Variants in AP2A2 observed in about 807,000 individuals in gnomAD.
AP2A2 encodes adaptor related protein complex 2 subunit alpha 2.
In AP2A2, 32 loss-of-function variants were observed where a neutral mutation model predicts 104.2. The observed-to-expected ratio is 0.31, with a 90% CI of 0.23 to 0.41. The LOEUF is 0.41. Among genes scored for constraint, AP2A2 ranks in the 10% least tolerant of loss-of-function variants. The pLI, the probability that AP2A2 is intolerant of heterozygous loss-of-function variation, is 1.00. For missense variants in AP2A2, 912 were observed against 1,261.0 expected (o/e 0.72, Z 4.19); for synonymous variants, 539 against 533.3 (o/e 1.01, Z -0.15).
rs568685801 is a variant in AP2A2 at position 1,008,030 on chromosome 11, A to G, written c.2315A>G (p.Lys772Arg). 10 of 1,562,156 alleles carry G rather than the reference A, an allele frequency of 6.4e-6. No homozygotes were observed. The South Asian group carries it at 1.2e-4, about 18-fold the overall frequency. ...DLQPNLNLQTKPVDPTVEGGA... is the reference protein window; with the variant it reads ...DLQPNLNLQTRPVDPTVEGGA... ...CACGCACACCTGAACCTGCAGACCA[A>G]GCCCGTGGACCCGACCGTGGAGGGG... The change falls in exon 18 of 22, where the codon AAG becomes AGG. Residue 772 changes from lysine to arginine, a missense_variant. Coordinates refer to ENST00000448903, the MANE Select transcript of AP2A2 (RefSeq NM_012305.4).
At chr11:966,599 G>C (rs1240164951) in intron 2 of AP2A2, among the ~76,000 whole-genome samples, 1 of 152,230 alleles carries the variant, frequency 6.6e-6, no homozygotes, top group Non-Finnish European at 1.5e-5. Context: ...GGCAAAGACT[G>C]AGCAACTGCC....
At chr11:976,548 G>A (rs1174598212) in intron 4 of AP2A2, among the ~76,000 whole-genome samples, 1 of 152,128 alleles carries the variant, frequency 6.6e-6, no homozygotes, top group Non-Finnish European at 1.5e-5. Flanking sequence ...ACACGTCTGT[G>A]CCCTGGACAA....
At chr11:962,037 C>T (rs1161983033) in intron 2 of AP2A2, among the ~76,000 whole-genome samples, 1 of 152,242 alleles carries the variant, frequency 6.6e-6, no homozygotes, top group Non-Finnish European at 1.5e-5. Context: ...CTGACAGTCG[C>T]CGCCACCTGC....
intron 1 of AP2A2, among the ~76,000 whole-genome samples, chr11:954,780 A>G (rs1854182052): frequency 2.0e-5 from 3 of 151,996 alleles, no homozygotes; most frequent in Admixed American, 1.3e-4. Context: ...ATTAAAAGCA[A>G]GCTGTGGATG....
chr11:1,001,607 G>A (rs7396041), intron 15 of AP2A2, among the ~76,000 whole-genome samples: 73,690 of 151,966 alleles, frequency 0.48, 18,813 homozygotes, highest in Admixed American at 0.63. Flanking sequence ...GGTGGTGGGT[G>A]CAGGTCGCCG....
At chr11:929,111 C>A (rs7479473) in intron 1 of AP2A2, among the ~76,000 whole-genome samples, 1 of 151,984 alleles carries the variant, frequency 6.6e-6, no homozygotes, top group Non-Finnish European at 1.5e-5. Context: ...AATGTATATA[C>A]GTATTGAGTT....
At position 1,011,552 on chromosome 11, in the gene AP2A2, G is replaced by A. The variant is rs749771894; in HGVS notation, c.*927G>A. The A allele has an allele frequency of 9.2e-5, 43 of 467,222 alleles. No individual in the cohort carries two copies. Among genetic ancestry groups the A allele is most frequent in the South Asian group, 5.5e-4 (36 of 65,066 alleles). The allele number at this position is 467,222 out of a possible 1,614,324, so 28.9% of individuals were successfully genotyped here. A position where few individuals can be genotyped will look rare whatever the true frequency, so the allele number is the denominator to read the frequency against. On this transcript the variant is annotated 3_prime_UTR_variant, in exon 22 of 22. Coordinates refer to ENST00000448903, the MANE Select transcript of AP2A2 (RefSeq NM_012305.4). ...TGGCCGCATGCCATGTGCCACCTGC[G>A]GCTTGTGTCTCACCTGTCATCTGGA... is the stretch of plus-strand genomic sequence containing the variant.
rs1309909109 is a variant in AP2A2 at position 992,552 on chromosome 11, G to C, written c.1319G>C (p.Trp440Ser). The change falls in exon 11 of 22, where the codon TGG becomes TCG. Residue 440 changes from tryptophan to serine, a missense_variant. This residue lies in a region of AP2A2 where 350 missense variants were observed against 487.0 expected (regional missense o/e 0.72). Coordinates refer to ENST00000448903, the MANE Select transcript of AP2A2 (RefSeq NM_012305.4). This position sits in a 1 kb window ranked among gnomAD's most constrained non-coding sequence, Gnocchi z 6.4. The stretch of plus-strand genomic sequence containing the variant: ...GAGAAGTACGCGGTGGACTACACCT[G>C]GTATGTGGATACCATCTTGAACTTG... ...LAEKYAVDYT[W>S]YVDTILNLIR... The C allele has an allele frequency of 6.2e-7, 1 of 1,612,722 alleles. No individual in the cohort carries two copies. Among genetic ancestry groups the C allele is most frequent in the South Asian group, 1.1e-5 (1 of 90,812 alleles).
At chr11:975,142 G>T (rs1000311488) in intron 4 of AP2A2, among the ~76,000 whole-genome samples, 1 of 152,260 alleles carries the variant, frequency 6.6e-6, no homozygotes, top group Non-Finnish European at 1.5e-5. Flanking sequence ...CAAGGCAGAA[G>T]AGTGGGGTGG....
chr11:1,009,081 C>T lies in AP2A2; in HGVS notation c.2421-19C>T. The T allele has an allele frequency of 6.3e-7, 1 of 1,586,208 alleles. No homozygotes were observed. The highest frequency in any genetic ancestry group is 8.6e-7 in the Non-Finnish European group (1 of 1,157,510). On this transcript the variant is annotated intron_variant, in intron 18 of 21. Coordinates refer to ENST00000448903, the MANE Select transcript of AP2A2 (RefSeq NM_012305.4). ...AGGAGTAGCTGACTGTCTCTTTCTG[C>T]TGCTGCTGCTGCTGGCAGGTATGGG... is the stretch of plus-strand genomic sequence containing the variant.
intron 15 of AP2A2, among the ~76,000 whole-genome samples, chr11:1,002,098 G>C (rs960995016): frequency 6.6e-6 from 1 of 152,206 alleles, no homozygotes; most frequent in African/African-American, 2.4e-5. Context: ...GTTGTAGTTG[G>C]GATGAACCAA....
intron 4 of AP2A2, among the ~76,000 whole-genome samples, chr11:972,872 G>C (rs560947655): frequency 6.6e-6 from 1 of 152,268 alleles, no homozygotes; most frequent in African/African-American, 2.4e-5. Flanking sequence ...GCTCCTCCTC[G>C]TGCCCGTTCC....
At chr11:933,828 CATT>C (rs1204384084) in intron 1 of AP2A2, among the ~76,000 whole-genome samples, 11 of 152,144 alleles carry the variant, frequency 7.2e-5, no homozygotes, top group African/African-American at 2.4e-4. Context: ...TTTCCTGAAA[CATT>C]GTTGGCAGAG....
Position 968,700 on chromosome 11 carries a change from G to A in AP2A2, c.137-1469G>A, listed in dbSNP as rs1854709817. On this transcript the variant is annotated intron_variant, in intron 2 of 21. Transcript: ENST00000448903. The surrounding 1 kb of genome is among the most constrained non-coding windows in gnomAD (Gnocchi z 4.2). ...ATCTCTGCTGCGCAGCCCGTGCTCAGCTGTGTGTGCCCTCCTGCACAAACA... is the reference window on the plus strand; with the variant it reads ...ATCTCTGCTGCGCAGCCCGTGCTCAACTGTGTGTGCCCTCCTGCACAAACA... 1.3e-5 allele frequency among the ~76,000 whole-genome samples: 2 copies of A among 151,882 alleles called. No individual in the cohort carries two copies. Among genetic ancestry groups the A allele is most frequent in the Admixed American group, 6.6e-5 (1 of 15,254 alleles).
chr11:1,009,029 C>T, intron 18 of AP2A2, 71 bp from the exon 19 acceptor site: 8 of 1,304,308 alleles, frequency 6.1e-6, no homozygotes, highest in Non-Finnish European at 8.6e-6. Context: ...TCACTCCAGG[C>T]TCTTTCCCGG....
Position 954,420 on chromosome 11 carries a change from ATG to A in AP2A2, c.68-5015_68-5014del, listed in dbSNP as rs1311246218. Among the ~76,000 whole-genome samples the A allele has an allele frequency of 2.7e-5, 4 of 150,792 alleles. No individual in the cohort carries two copies. The East Asian group carries it at 7.8e-4, about 29-fold the overall frequency. On this transcript the variant is annotated intron_variant, in intron 1 of 21. Transcript: ENST00000448903. Reference sequence around the variant, plus strand: ...TACATGTGTGTATTTGTGTGTGTGTATGTATTTGTGTTTATGTGTATGTATGT... The same window carrying A: ...TACATGTGTGTATTTGTGTGTGTGTATATTTGTGTTTATGTGTATGTATGT...
chr11:985,390 C>G (rs749534002), intron 7 of AP2A2, 45 bp from the exon 8 acceptor site: 1 of 1,583,604 alleles, frequency 6.3e-7, no homozygotes, highest in Non-Finnish European at 8.6e-7. Flanking sequence ...GGGTGGGCTG[C>G]GGGCCACTGG....
Position 1,011,362 on chromosome 11 carries a change from G to C in AP2A2, c.*737G>C. On this transcript the variant is annotated 3_prime_UTR_variant, in exon 22 of 22. Transcript: ENST00000448903. ...CCCCAGGACTCCAGGGTAAAGTGTG[G>C]GCCGGTGGCGCAAGACTCAGAGGTG... 1 of 518,334 alleles carries C rather than the reference G, an allele frequency of 1.9e-6. No individual in the cohort carries two copies. 32.1% of individuals were successfully genotyped at this position (518,334 alleles called of 1,614,324 possible). A position where few individuals can be genotyped will look rare whatever the true frequency, so the allele number is the denominator to read the frequency against.
intron 1 of AP2A2, among the ~76,000 whole-genome samples, chr11:945,328 A>G (rs1246180331): frequency 1.3e-5 from 2 of 152,088 alleles, no homozygotes; most frequent in African/African-American, 4.8e-5. Context: ...CAGGGGAATG[A>G]CACTCAATTT....
Sources: gnomAD v4.1 joint callset for allele counts (sites outside exome capture counted in the v4.1 genomes callset) on GRCh38, gnomAD v4.1.1 for gene constraint, gnomAD v4.1.1 regional missense constraint, Gnocchi (gnomAD v3.1) non-coding constraint, MANE v1.5 for transcripts, NCBI Gene and HGNC (gene_info 2026-07-23, HGNC 2026-07-21) for gene names.